The following SOX5 variants were observed in gnomAD, a reference collection of about 807,000 sequenced individuals.
SOX5 encodes the protein transcription factor SOX-5.
SOX5 carries 9 observed loss-of-function variants against 92.0 expected under a neutral mutation model. The observed-to-expected ratio is 0.10, with a 90% CI of 0.06 to 0.17. SOX5 has a LOEUF of 0.17. Ranked by LOEUF, SOX5 falls within the 10% of genes least tolerant of loss-of-function variation. The pLI is 1.00. For missense variants in SOX5, 642 were observed against 944.5 expected (o/e 0.68, Z 4.20); for synonymous variants, 344 against 336.3 (o/e 1.02, Z -0.25).
At chr12:24,028,420 C>A (rs1030396694) in intron 4 of SOX5, among the ~76,000 whole-genome samples, 2 of 151,958 alleles carry the variant, frequency 1.3e-5, no homozygotes, top group Non-Finnish European at 2.9e-5. Flanking sequence ...TATCAAATAT[C>A]TAAAACAGAG....
At chr12:24,385,867 G>C (rs568713618) in intron 1 of SOX5, among the ~76,000 whole-genome samples, 6 of 148,244 alleles carry the variant, frequency 4.0e-5, no homozygotes, top group Non-Finnish European at 8.9e-5. Flanking sequence ...GGGAGGTAGA[G>C]GCTGCAGTCA....
intron 8 of SOX5, among the ~76,000 whole-genome samples, chr12:23,605,709 T>C (rs2075164433): frequency 6.6e-6 from 1 of 151,822 alleles, no homozygotes. Flanking sequence ...AGATCCTGAT[T>C]AGCAGTGTCT....
chr12:24,559,449 GT>G (rs1254179956), intron 1 of SOX5, among the ~76,000 whole-genome samples: 1 of 152,096 alleles, frequency 6.6e-6, no homozygotes, highest in Non-Finnish European at 1.5e-5. Context: ...CATAAATTTT[GT>G]CCTGTAAGTT....
intron 6 of SOX5, among the ~76,000 whole-genome samples, chr12:23,701,523 A>G (rs1047959542): frequency 5.3e-5 from 8 of 152,110 alleles, no homozygotes; most frequent in African/African-American, 1.7e-4. Context: ...TAAACATATC[A>G]TTAAGGTCAA....
At chr12:23,648,048 C>A (rs779718786) in intron 7 of SOX5, among the ~76,000 whole-genome samples, 5 of 152,168 alleles carry the variant, frequency 3.3e-5, no homozygotes, top group Non-Finnish European at 5.9e-5. Context: ...TTCTAGCTCA[C>A]ATTTTTTAAG....
intron 4 of SOX5, among the ~76,000 whole-genome samples, chr12:24,151,583 GT>G (rs1951659567): frequency 6.6e-6 from 1 of 151,696 alleles, no homozygotes; most frequent in South Asian, 2.1e-4. Context: ...TTTTTGTTTT[GT>G]TTTGTTTTTT....
At chr12:24,189,871 A>G (rs1381939044) in intron 4 of SOX5, among the ~76,000 whole-genome samples, 1 of 152,192 alleles carries the variant, frequency 6.6e-6, no homozygotes, top group African/African-American at 2.4e-5. Context: ...AAGTTCCAAT[A>G]TTGAGACACA....
At chr12:24,342,569 C>A (rs75597487) in intron 2 of SOX5, among the ~76,000 whole-genome samples, 1 of 152,156 alleles carries the variant, frequency 6.6e-6, no homozygotes, top group African/African-American at 2.4e-5. Context: ...CATATCCAAT[C>A]GGCCACTAAT....
In SOX5 at chr12:24,342,078, A is replaced by G. The variant is rs540238291; in HGVS notation, c.-174+26485T>C. 2.6e-5 allele frequency among the ~76,000 whole-genome samples: 4 copies of G among 152,338 alleles called. No individual in the cohort carries two copies. In the East Asian group the frequency reaches 7.7e-4, roughly 29 times the overall value. On this transcript the variant is annotated intron_variant, in intron 2 of 4. Transcript: ENST00000446891. ...TTAGCTTAAAATCAGGTGCCAATTT[A>G]CTGCCACATATGGTTCTCAGGTTTG...
intron 2 of SOX5, among the ~76,000 whole-genome samples, chr12:23,851,099 A>T (rs1008071458): frequency 3.3e-5 from 5 of 152,104 alleles, no homozygotes; most frequent in Admixed American, 2.6e-4. Context: ...AAAAAACCTT[A>T]TCAAGATAAA....
At chr12:24,519,684 T>G (rs556943291) in intron 1 of SOX5, among the ~76,000 whole-genome samples, 1 of 152,252 alleles carries the variant, frequency 6.6e-6, no homozygotes, top group East Asian at 1.9e-4. Flanking sequence ...GAATAACAAA[T>G]CATTAAGGCC....
chr12:23,841,601 G>C (rs1594948476), intron 3 of SOX5, among the ~76,000 whole-genome samples: 1 of 152,174 alleles, frequency 6.6e-6, no homozygotes, highest in South Asian at 2.1e-4. Context: ...TCATACAATG[G>C]AATATTATTT....
At chr12:23,878,106 G>A (rs2096948707) in intron 2 of SOX5, among the ~76,000 whole-genome samples, 1 of 151,736 alleles carries the variant, frequency 6.6e-6, no homozygotes, top group Admixed American at 6.6e-5. Flanking sequence ...CATGAGTTTT[G>A]GCATATACTC....
intron 11 of SOX5, among the ~76,000 whole-genome samples, chr12:23,550,150 T>C (rs188762291): frequency 7.9e-5 from 12 of 152,062 alleles, no homozygotes; most frequent in South Asian, 2.1e-4. Context: ...TAAAGAGATA[T>C]GGACACTTTG....
rs890040150 is a variant in SOX5 at position 24,287,003 on chromosome 12, A to G, written c.-173-9691T>C. Among the ~76,000 whole-genome samples the G allele has an allele frequency of 2.0e-5, 3 of 152,186 alleles. No individual in the cohort carries two copies. The South Asian group carries it at 6.2e-4, about 32-fold the overall frequency. ...CATCTGTCAGAGGTCTGGGAATAGA[A>G]TTTTTGAACTAAACTAGATATTGGG... On this transcript the variant is annotated intron_variant, in intron 2 of 4. Transcript: ENST00000446891.
intron 1 of SOX5, among the ~76,000 whole-genome samples, chr12:23,903,870 C>A (rs1457803044): frequency 6.6e-6 from 1 of 152,042 alleles, no homozygotes; most frequent in East Asian, 1.9e-4. Flanking sequence ...TGTTACTTAT[C>A]CAATATGGCA....
At position 23,532,625 on chromosome 12, in the gene SOX5, AG is replaced by A. The variant is rs1465145193; in HGVS notation, c.*1593del. On this transcript the variant is annotated 3_prime_UTR_variant, in exon 15 of 15. Coordinates refer to ENST00000451604, the MANE Select transcript of SOX5 (RefSeq NM_006940.6). ...AGTGGATTAATCTGACAGCAAGGGA[AG>A]AGCAGTGGCAAGGATCCCTGGGTGC... The A allele has an allele frequency of 6.6e-6, 1 of 152,358 alleles. No individual in the cohort carries two copies. The highest frequency in any genetic ancestry group is 2.4e-5 in the African/African-American group (1 of 41,448). 9.4% of individuals were successfully genotyped at this position (152,358 alleles called of 1,614,324 possible).
intron 3 of SOX5, among the ~76,000 whole-genome samples, chr12:23,787,317 C>T (rs1457173719): frequency 6.6e-6 from 1 of 151,832 alleles, no homozygotes; most frequent in Non-Finnish European, 1.5e-5. Context: ...TTCTGAAGTA[C>T]CAAAGTCGTC....
At chr12:24,091,687 T>A (rs1319890586) in intron 4 of SOX5, among the ~76,000 whole-genome samples, 4 of 152,144 alleles carry the variant, frequency 2.6e-5, no homozygotes, top group Non-Finnish European at 4.4e-5. Context: ...AATGACTTAC[T>A]AGGGTATGAT....
Sources: gnomAD v4.1 joint callset for allele counts (sites outside exome capture counted in the v4.1 genomes callset) on GRCh38, gnomAD v4.1.1 for gene constraint, MANE v1.5 for transcripts, NCBI Gene and HGNC (gene_info 2026-07-23, HGNC 2026-07-21) for gene names.